The following MYH7 variants were observed in gnomAD, a reference collection of about 807,000 sequenced individuals.
MYH7 encodes myosin-7.
MYH7 carries 129 observed loss-of-function variants against 225.4 expected under a neutral mutation model. That is an observed-to-expected ratio of 0.57 (90% CI 0.50 to 0.66). MYH7 has a LOEUF of 0.66. MYH7 is among the 30% of genes least tolerant of loss of function. The probability of loss-of-function intolerance (pLI) is 0.00; values close to 1 mark genes in which losing one functional copy is unlikely to be tolerated. For missense variants in MYH7, 1,649 were observed against 2,517.0 expected (o/e 0.66, Z 7.38); for synonymous variants, 971 against 1,007.6 (o/e 0.96, Z 0.69).
In MYH7 at chr14:23,427,228, T is replaced by A; in HGVS notation, c.1956+12A>T. 6.2e-7 allele frequency: 1 copy of A among 1,613,306 alleles called. No individual in the cohort carries two copies. Among genetic ancestry groups the A allele is most frequent in the Non-Finnish European group, 8.5e-7 (1 of 1,180,012 alleles). On this transcript the variant is annotated intron_variant, in intron 17 of 39. Coordinates refer to ENST00000355349, the MANE Select transcript of MYH7 (RefSeq NM_000257.4). ...TGGGGAGCCAAGTTGGCTGGGGCTG[T>A]GTCCCACTCACCCTGTGCAGAGCTG...
At position 23,433,336 on chromosome 14, in the gene MYH7, A is replaced by T; in HGVS notation, c.202-109T>A. 6.5e-7 allele frequency: 1 copy of T among 1,538,784 alleles called. No homozygotes were observed. Among genetic ancestry groups the T allele is most frequent in the Non-Finnish European group, 8.9e-7 (1 of 1,121,372 alleles). On this transcript the variant is annotated intron_variant, in intron 3 of 39. Transcript: ENST00000355349. This position sits in a 1 kb window ranked among gnomAD's most constrained non-coding sequence, Gnocchi z 4.1. The stretch of plus-strand genomic sequence containing the variant: ...GGCAATAGTGCTCAAGAGAGAAGGA[A>T]CCAGGATCTCACAGGGAAGACAGAA...
Position 23,413,681 on chromosome 14 carries a change from G to GC in MYH7, c.5790+77dup, listed in dbSNP as rs1349177075. On this transcript the variant is annotated intron_variant, in intron 39 of 39. Transcript: ENST00000355349. ...AGTGTGTGGAATAAATGAAAAGGAA[G>GC]CATCCCGGGTTTGAGGGTGCTCTGT... is the stretch of plus-strand genomic sequence containing the variant. 1.9e-6 allele frequency: 3 copies of GC among 1,591,478 alleles called. No homozygotes were observed. In the East Asian group the frequency reaches 6.8e-5, roughly 36 times the overall value.
chr14:23,412,994 C>A (rs528257220), intron 39 of MYH7, 123 bp from the exon 40 acceptor site: 13 of 951,394 alleles, frequency 1.4e-5, no homozygotes, highest in South Asian at 6.7e-5. Flanking sequence ...CAGGTGGAAG[C>A]CCCTGTGGCA....
chr14:23,418,328 TCTC>T lies in MYH7; in HGVS notation c.4048_4050del (p.Glu1350del), dbSNP rs1892314995. ...CGCTGCAGCTCGGCCTTGGCCTCCG[TCTC>T]CTCCTCGTACTGCTCCCGCAGCAGG... is the stretch of plus-strand genomic sequence containing the variant. On this transcript the variant is annotated inframe_deletion, in exon 30 of 40. Coordinates refer to ENST00000355349, the MANE Select transcript of MYH7 (RefSeq NM_000257.4). 6.2e-7 allele frequency: 1 copy of T among 1,613,806 alleles called. No individual in the cohort carries two copies. The highest frequency in any genetic ancestry group is 8.5e-7 in the Non-Finnish European group (1 of 1,180,024).
rs762843742 is a variant in MYH7, at chr14:23,421,039, A to G, written c.3255T>C (p.Phe1085=). 6.2e-7 allele frequency: 1 copy of G among 1,613,096 alleles called. No homozygotes were observed. The highest frequency in any genetic ancestry group is 1.3e-5 in the African/African-American group (1 of 74,880). The change falls in exon 26 of 40, where the codon TTT becomes TTC. Residue 1085 remains phenylalanine (F), a synonymous_variant. Transcript: ENST00000355349. The part of the protein sequence containing the change: ...QLDERLKKKD[F]ELNALNARIE... ...TCCTTGCGTTGAGAGCATTCAGCTC[A>G]AAGTCTTTTCTGTGGGGAAGGAGGG...
rs1408077580 is a variant in MYH7, at chr14:23,430,050, CAA to C, written c.1000-139_1000-138del. 9.8e-6 allele frequency: 10 copies of C among 1,020,966 alleles called. 1 individual carries two copies. The East Asian group carries it at 2.6e-4, about 26-fold the overall frequency. 63.2% of individuals were successfully genotyped at this position (1,020,966 alleles called of 1,614,324 possible). A position where few individuals can be genotyped will look rare whatever the true frequency, so the allele number is the denominator to read the frequency against. On this transcript the variant is annotated intron_variant, in intron 11 of 39. Transcript: ENST00000355349. ...GACTCCCATACCCAGTGGGGAGCTC[CAA>C]AACAAAGGATGTAAGATGCAGGGAA...
chr14:23,420,045 G>A lies in MYH7; in HGVS notation c.3526C>T (p.Arg1176Trp). Residue 1176 changes from arginine to tryptophan, a missense_variant, in exon 27 of 40, where the codon CGG becomes TGG. Physicochemically the swap from Arg to Trp is moderately radical, Grantham distance 101. This residue lies in a region of MYH7 where 106 missense variants were observed against 198.8 expected (regional missense o/e 0.53). Coordinates refer to ENST00000355349, the MANE Select transcript of MYH7 (RefSeq NM_000257.4). ...TGCAGCGTGGCCTCCTCCAGGTCCC[G>A]CCGCATCTTCTGGAACTCGGCCTCG... is the stretch of plus-strand genomic sequence containing the variant. ...KREAEFQKMR[R>W]DLEEATLQHE... The A allele has an allele frequency of 1.9e-6, 3 of 1,579,786 alleles. No homozygotes were observed. The highest frequency in any genetic ancestry group is 2.6e-6 in the Non-Finnish European group (3 of 1,158,932).
chr14:23,427,978 T>C, intron 15 of MYH7, 84 bp from the exon 16 acceptor site: 1 of 1,552,844 alleles, frequency 6.4e-7, no homozygotes, highest in Non-Finnish European at 8.8e-7. Context: ...TACTTGCTCG[T>C]GGAGGTGCCA....
In MYH7 at chr14:23,418,439, A is replaced by G. The variant is rs774749522; in HGVS notation, c.3973-33T>C. The G allele has an allele frequency of 4.3e-5, 68 of 1,578,390 alleles. 1 individual carries two copies. In the Middle Eastern group the frequency reaches 8.9e-4, roughly 21 times the overall value. On this transcript the variant is annotated intron_variant, in intron 29 of 39. Coordinates refer to ENST00000355349, the MANE Select transcript of MYH7 (RefSeq NM_000257.4). ...GGGGTGGGCACCAGGAGGTGGGTTC[A>G]GCTTTCTCCATAAAGCAACCCCACC...
Position 23,425,717 on chromosome 14 carries a change from T to A in MYH7, c.2264A>T (p.Gln755Leu). 1 of 1,613,998 alleles carries A rather than the reference T, an allele frequency of 6.2e-7. No individual in the cohort carries two copies. The highest frequency in any genetic ancestry group is 1.1e-5 in the South Asian group (1 of 91,074). ...CACCTTGGTGTGGCCAAACTTGTAC[T>A]GGTTGTGATCAATGTCCAGGGAGCT... ...LLSSLDIDHN[Q>L]YKFGHTKVFF... The change falls in exon 20 of 40, where the codon CAG becomes CTG. Residue 755 changes from glutamine (Q) to leucine (L), a missense_variant. By Grantham distance (113) the Gln-to-Leu change is moderately radical. Transcript: ENST00000355349. The surrounding 1 kb of genome is among the most constrained non-coding windows in gnomAD (Gnocchi z 4.6).
At chr14:23,414,155 G>A (rs909935608) in intron 37 of MYH7, 53 bp from the exon 38 acceptor site, 23 of 1,520,030 alleles carry the variant, frequency 1.5e-5, no homozygotes, top group Admixed American at 1.7e-5. Flanking sequence ...ATAGAAGGTA[G>A]CATCCCCTCC....
Position 23,416,012 on chromosome 14 carries a change from A to T in MYH7, c.4945T>A (p.Leu1649Met). The T allele has an allele frequency of 6.2e-7, 1 of 1,614,142 alleles. No individual in the cohort carries two copies. The highest frequency in any genetic ancestry group is 1.7e-5 in the Admixed American group (1 of 60,032). Residue 1649 changes from leucine to methionine, a missense_variant, in exon 34 of 40, where the codon TTG becomes ATG. This residue lies in a region of MYH7 where 687 missense variants were observed against 913.8 expected (regional missense o/e 0.75). Coordinates refer to ENST00000355349, the MANE Select transcript of MYH7 (RefSeq NM_000257.4). ...AQKQVKSLQSLLKDTQIQLDD... is the reference protein window; with the variant it reads ...AQKQVKSLQSMLKDTQIQLDD... ...CCCCTCTGGGTGAGTACCTTCAACA[A>T]GCTCTGGAGGCTCTTGACTTGCTTC...
At position 23,431,881 on chromosome 14, in the gene MYH7, G is replaced by C. The variant is rs952225281; in HGVS notation, c.531-12C>G. 6.2e-7 allele frequency: 1 copy of C among 1,612,790 alleles called. No individual in the cohort carries two copies. Among genetic ancestry groups the C allele is most frequent in the African/African-American group, 1.3e-5 (1 of 74,930 alleles). On this transcript the variant is annotated splice_polypyrimidine_tract_variant and intron_variant, in intron 6 of 39. Coordinates refer to ENST00000355349, the MANE Select transcript of MYH7 (RefSeq NM_000257.4). The stretch of plus-strand genomic sequence containing the variant: ...CTCCGGATTCTCCGCTGTGAAGACA[G>C]GGGCTTATTGGGCAGTGAACAATAC...
Position 23,422,208 on chromosome 14 carries a change from T to G in MYH7, c.3217A>C (p.Lys1073Gln). The change falls in exon 25 of 40, where the codon AAG (lysine) becomes CAG (glutamine). Residue 1073 changes from lysine (K) to glutamine (Q), a missense_variant. This residue lies in a region of MYH7 where 282 missense variants were observed against 315.3 expected (regional missense o/e 0.89). Coordinates refer to ENST00000355349, the MANE Select transcript of MYH7 (RefSeq NM_000257.4). ...QESIMDLEND[K>Q]QQLDERLKKK... Reference sequence around the variant, plus strand: ...TTCAGCCGCTCATCCAGCTGCTGCTTGTCATTCTCCAGGTCCATGATGCTC... The same window carrying G: ...TTCAGCCGCTCATCCAGCTGCTGCTGGTCATTCTCCAGGTCCATGATGCTC... The G allele has an allele frequency of 6.2e-7, 1 of 1,613,564 alleles. No individual in the cohort carries two copies.
chr14:23,422,446 A>C, intron 24 of MYH7, 121 bp from the exon 25 acceptor site: 1 of 1,346,774 alleles, frequency 7.4e-7, no homozygotes, highest in South Asian at 1.2e-5. Flanking sequence ...CCTTCCCCAG[A>C]GTGGGCCAAA....
intron 4 of MYH7, 120 bp from the exon 5 acceptor site, chr14:23,432,915 A>T: frequency 2.7e-6 from 4 of 1,494,332 alleles, no homozygotes; most frequent in Non-Finnish European, 3.7e-6. Context: ...GCATGCACTC[A>T]ATCTGAGTAA....
In MYH7 at chr14:23,430,040, T is replaced by G; in HGVS notation, c.1000-127A>C. Reference sequence around the variant, plus strand: ...TGGGTTCTGAGACTCCCATACCCAGTGGGGAGCTCCAAAACAAAGGATGTA... The same window carrying G: ...TGGGTTCTGAGACTCCCATACCCAGGGGGGAGCTCCAAAACAAAGGATGTA... On this transcript the variant is annotated intron_variant, in intron 11 of 39. Transcript: ENST00000355349. 3 of 1,116,658 alleles carry G rather than the reference T, an allele frequency of 2.7e-6. No individual in the cohort carries two copies. The South Asian group carries it at 3.9e-5, about 15-fold the overall frequency. The allele number at this position is 1,116,658 out of a possible 1,614,324, so 69.2% of individuals were successfully genotyped here.
chr14:23,430,376 T>C (rs1053700788), intron 11 of MYH7, among the ~76,000 whole-genome samples, 184 bp downstream of exon 11: 21 of 152,198 alleles, frequency 1.4e-4, no homozygotes, highest in African/African-American at 2.4e-5. Context: ...CACCAGATAC[T>C]GGCCAGTCCT....
intron 26 of MYH7, 126 bp downstream of exon 26, chr14:23,420,832 G>A (rs770522791): frequency 1.9e-5 from 14 of 746,964 alleles, no homozygotes; most frequent in Middle Eastern, 3.6e-4. Context: ...TGATAGCTGC[G>A]TGCCTGCCTC....
Sources: allele counts gnomAD v4.1 joint callset (sites outside exome capture counted in the v4.1 genomes callset), GRCh38; gene constraint gnomAD v4.1.1; regional missense constraint gnomAD v4.1.1; non-coding constraint Gnocchi (gnomAD v3.1); transcripts MANE v1.5; gene names NCBI Gene and HGNC (gene_info 2026-07-23, HGNC 2026-07-21).